TMX3: variants seen among roughly 807,000 people sequenced by gnomAD.
TMX3 encodes the protein protein disulfide-isomerase TMX3.
A neutral mutation model predicts 64.4 loss-of-function variants in TMX3; 40 were observed. The ratio of observed to expected loss-of-function variants is 0.62; its 90% CI spans 0.48 to 0.81. TMX3 has a LOEUF of 0.81. TMX3 is among the 30% of genes least tolerant of loss of function. The pLI, the probability that TMX3 is intolerant of heterozygous loss-of-function variation, is 0.00. For synonymous variants in TMX3, 189 were observed against 175.7 expected, an observed-to-expected ratio of 1.08 and a Z score of -0.60; for missense variants, 497 against 534.5, an observed-to-expected ratio of 0.93 and a Z score of 0.69.
At chr18:68,710,192 ATGT>A (rs1487651235) in intron 3 of TMX3, 48 bp from the exon 4 acceptor site, 4 of 1,450,194 alleles carry the variant, frequency 2.8e-6, no homozygotes, top group Middle Eastern at 1.8e-4. Flanking sequence ...AACCATTAAA[ATGT>A]TGTGCTACAG....
chr18:68,691,317 A>G lies in TMX3; in HGVS notation c.615T>C (p.Asp205=). ...TACCATCATAAACAAAGTAAGTTTC[A>G]TCTTTGAAAACAAGCACAGCTGGCA... ...KEMPAVLVFK[D]ETYFVYDEYE... is the part of the protein sequence containing the mutation. Residue 205 remains aspartate (D), a synonymous_variant, in exon 9 of 16, where the codon GAT becomes GAC. Coordinates refer to ENST00000299608, the MANE Select transcript of TMX3 (RefSeq NM_019022.5). The G allele has an allele frequency of 6.3e-7, 1 of 1,585,568 alleles. No homozygotes were observed. Among genetic ancestry groups the G allele is most frequent in the Non-Finnish European group, 8.6e-7 (1 of 1,163,346 alleles).
chr18:68,700,980 A>C (rs2145098122), intron 5 of TMX3: 1 of 985,290 alleles, frequency 1.0e-6, no homozygotes, highest in African/African-American at 1.7e-5. Context: ...ATTCTTCAAA[A>C]GCCAACCAAT....
intron 8 of TMX3, among the ~76,000 whole-genome samples, chr18:68,692,004 A>C (rs1485059182): frequency 6.6e-6 from 1 of 152,246 alleles, no homozygotes; most frequent in Non-Finnish European, 1.5e-5. Flanking sequence ...TAAGTAAATG[A>C]GTAGATAATG....
At chr18:68,714,862 G>C (rs532038381) in intron 1 of TMX3, 74 bp downstream of exon 1, 1 of 1,542,676 alleles carries the variant, frequency 6.5e-7, no homozygotes, top group Non-Finnish European at 8.8e-7. Context: ...CCCAGACCCG[G>C]GTCCAATCCC....
intron 14 of TMX3, among the ~76,000 whole-genome samples, chr18:68,680,299 A>T (rs566837839): frequency 6.6e-6 from 1 of 152,284 alleles, no homozygotes; most frequent in African/African-American, 2.4e-5. Flanking sequence ...TTTAAATTTT[A>T]TCCTAGTCTA....
intron 8 of TMX3, chr18:68,696,877 A>G (rs1915133882): frequency 6.0e-6 from 1 of 166,576 alleles, no homozygotes; most frequent in Non-Finnish European, 1.3e-5. Context: ...CTGTATCTGC[A>G]ACACACACAC....
At chr18:68,713,163 G>A (rs983712982) in intron 2 of TMX3, among the ~76,000 whole-genome samples, 5 of 152,128 alleles carry the variant, frequency 3.3e-5, no homozygotes, top group Admixed American at 6.5e-5. Context: ...TGGGGGGTGA[G>A]AGAGAAAAGG....
At chr18:68,701,704 C>T in intron 5 of TMX3, 41 bp downstream of exon 5, 2 of 1,609,494 alleles carry the variant, frequency 1.2e-6, no homozygotes, top group African/African-American at 1.3e-5. Flanking sequence ...GTAGAGTGAA[C>T]TAATAAAAAT....
chr18:68,683,570 A>C (rs946871883), intron 12 of TMX3, among the ~76,000 whole-genome samples: 1 of 152,144 alleles, frequency 6.6e-6, no homozygotes, highest in African/African-American at 2.4e-5. Flanking sequence ...TCAGTCATTT[A>C]TGTCCAATTA....
In TMX3 at chr18:68,673,923, C is replaced by T. The variant is rs1270988014; in HGVS notation, c.*3010G>A. ...CCCACCAATTGATAGTCTTAATATC[C>T]TACACTGGTTTATTTGATCATTTAA... On this transcript the variant is annotated 3_prime_UTR_variant, in exon 16 of 16. Transcript: ENST00000299608. 6.6e-6 allele frequency: 1 copy of T among 152,036 alleles called. No homozygotes were observed. The highest frequency in any genetic ancestry group is 6.5e-5 in the Admixed American group (1 of 15,268). 9.4% of individuals were successfully genotyped at this position (152,036 alleles called of 1,614,324 possible). A position where few individuals can be genotyped will look rare whatever the true frequency, so the allele number is the denominator to read the frequency against.
At chr18:68,685,213 A>C (rs1236114313) in intron 10 of TMX3, among the ~76,000 whole-genome samples, 1 of 152,176 alleles carries the variant, frequency 6.6e-6, no homozygotes, top group Non-Finnish European at 1.5e-5. Flanking sequence ...TCCAAAAACT[A>C]ATATATATTT....
At chr18:68,681,520 C>T in intron 13 of TMX3, 1 of 984,772 alleles carries the variant, frequency 1.0e-6, no homozygotes, top group Non-Finnish European at 1.2e-6. Flanking sequence ...GTACTTTAAT[C>T]TTTGGCAAAT....
In TMX3 at chr18:68,709,918, T is replaced by C. The variant is rs540788824; in HGVS notation, c.265+103A>G. On this transcript the variant is annotated intron_variant, in intron 4 of 15. Coordinates refer to ENST00000299608, the MANE Select transcript of TMX3 (RefSeq NM_019022.5). ...GTCTTAAATTATTAAGTTAATTGAATTTTACATGAGCAAAAAAAAGTCTTC... is the reference window on the plus strand; with the variant it reads ...GTCTTAAATTATTAAGTTAATTGAACTTTACATGAGCAAAAAAAAGTCTTC... 6 of 1,152,196 alleles carry C rather than the reference T, an allele frequency of 5.2e-6. No homozygotes were observed. In the South Asian group the frequency reaches 1.2e-4, roughly 23 times the overall value. 71.4% of individuals were successfully genotyped at this position (1,152,196 alleles called of 1,614,324 possible). A position where few individuals can be genotyped will look rare whatever the true frequency, so the allele number is the denominator to read the frequency against.
In TMX3 at chr18:68,691,298, C is replaced by A. The variant is rs373283728; in HGVS notation, c.634G>T (p.Asp212Tyr). The change falls in exon 9 of 16, where the codon GAT becomes TAT. Residue 212 changes from aspartate (D) to tyrosine (Y), a missense_variant. By Grantham distance (160) the Asp-to-Tyr change is radical. This residue lies in a region of TMX3 where 360 missense variants were observed against 383.5 expected (regional missense o/e 0.94). Transcript: ENST00000299608. ...GAGTTAAAGATTTGGAACTTACCAT[C>A]ATAAACAAAGTAAGTTTCATCTTTG... ...VFKDETYFVY[D>Y]EYEDGDLSSW... The A allele has an allele frequency of 1.9e-6, 3 of 1,580,496 alleles. No individual in the cohort carries two copies. In the African/African-American group the frequency reaches 4.0e-5, roughly 21 times the overall value.
At chr18:68,688,178 C>A (rs1394385126) in intron 9 of TMX3, among the ~76,000 whole-genome samples, 1 of 152,056 alleles carries the variant, frequency 6.6e-6, no homozygotes, top group African/African-American at 2.4e-5. Context: ...AAAAGATAAA[C>A]TCATAGAATG....
intron 9 of TMX3, among the ~76,000 whole-genome samples, chr18:68,690,323 T>C (rs1045377877): frequency 4.6e-5 from 7 of 152,194 alleles, no homozygotes; most frequent in African/African-American, 1.7e-4. Context: ...GAACAAGAAA[T>C]TGAACTTTAA....
chr18:68,695,041 C>T (rs895167010), intron 8 of TMX3, among the ~76,000 whole-genome samples: 12 of 152,154 alleles, frequency 7.9e-5, no homozygotes, highest in Middle Eastern at 3.4e-3. Context: ...TTCCTAAGGT[C>T]CCCTACTCAT....
rs531180346 is a variant in TMX3, at chr18:68,676,510, C to G, written c.*423G>C. On this transcript the variant is annotated 3_prime_UTR_variant, in exon 16 of 16. Coordinates refer to ENST00000299608, the MANE Select transcript of TMX3 (RefSeq NM_019022.5). ...CTAAATTTTAAAGACTTAATTTTGT[C>G]CATATAAATCTTGTCCAAAATATAT... 7 of 158,810 alleles carry G rather than the reference C, an allele frequency of 4.4e-5. No homozygotes were observed. The highest frequency in any genetic ancestry group is 1.4e-4 in the African/African-American group (6 of 41,682). 9.8% of individuals were successfully genotyped at this position (158,810 alleles called of 1,614,324 possible). A position where few individuals can be genotyped will look rare whatever the true frequency, so the allele number is the denominator to read the frequency against.
chr18:68,681,176 T>C (rs2145011207), intron 13 of TMX3, 66 bp from the exon 14 acceptor site: 1 of 1,320,594 alleles, frequency 7.6e-7, no homozygotes. Flanking sequence ...CTGATATTCA[T>C]TTATATCTCA....
Sources: allele counts gnomAD v4.1 joint callset (sites outside exome capture counted in the v4.1 genomes callset), GRCh38; gene constraint gnomAD v4.1.1; regional missense constraint gnomAD v4.1.1; transcripts MANE v1.5; gene names NCBI Gene and HGNC (gene_info 2026-07-23, HGNC 2026-07-21).